The following RYR2 variants were observed in gnomAD, a reference collection of about 807,000 sequenced individuals.
RYR2 encodes the protein cardiac muscle ryanodine receptor-calcium release channel.
A neutral mutation model predicts 601.1 loss-of-function variants in RYR2; 227 were observed. The observed-to-expected ratio is 0.38, with a 90% confidence interval of 0.34 to 0.42. The LOEUF (loss-of-function observed/expected upper bound fraction) is 0.42. Among genes scored for constraint, RYR2 ranks in the 10% least tolerant of loss-of-function variants. The probability of loss-of-function intolerance (pLI) is 1.00; values close to 1 mark genes in which losing one functional copy is unlikely to be tolerated. For synonymous variants in RYR2, 2,223 were observed against 2,175.1 expected (o/e 1.02, Z -0.61); for missense variants, 4,646 against 6,156.5 (o/e 0.75, Z 8.21).
intron 1 of RYR2, among the ~76,000 whole-genome samples, chr1:237,259,507 G>A: frequency 6.8e-6 from 1 of 146,894 alleles, no homozygotes; most frequent in African/African-American, 2.5e-5. Context: ...CTCCAGCCTG[G>A]GCAACAGAGC....
chr1:237,496,488 A>C, intron 19 of RYR2, 23 bp from the exon 20 acceptor site: 1 of 1,607,264 alleles, frequency 6.2e-7, no homozygotes, highest in Non-Finnish European at 8.5e-7. Flanking sequence ...CTTTCCTTAC[A>C]TGTGATTCCC....
At chr1:237,375,104 GAAGT>G (rs977786230) in intron 7 of RYR2, among the ~76,000 whole-genome samples, 44 of 152,274 alleles carry the variant, frequency 2.9e-4, no homozygotes, top group African/African-American at 1.1e-3. Context: ...ATTAGTTTGT[GAAGT>G]AATTCTACAT....
intron 1 of RYR2, among the ~76,000 whole-genome samples, chr1:237,094,901 AAATATTATT>A (rs1667362610): frequency 6.6e-6 from 1 of 152,118 alleles, no homozygotes; most frequent in South Asian, 2.1e-4. Flanking sequence ...TTGTCTTCCT[AAATATTATT>A]AACAAACAAC....
At chr1:237,447,892 T>G (rs1246558095) in intron 14 of RYR2, among the ~76,000 whole-genome samples, 1 of 146,282 alleles carries the variant, frequency 6.8e-6, no homozygotes, top group Non-Finnish European at 1.5e-5. Context: ...CTTTTCTTTC[T>G]TTCTGTCTTT....
In RYR2 at chr1:237,648,553, C is replaced by T. The variant is rs1351855646; in HGVS notation, c.7452C>T (p.Leu2484=). Residue 2484 remains leucine (L), a synonymous_variant, in exon 49 of 105, where the codon CTC becomes CTT. Coordinates refer to ENST00000366574, the MANE Select transcript of RYR2 (RefSeq NM_001035.3). Reference sequence around the variant, plus strand: ...ATGGGATTGAGGTTCAAGACTTCCTCCTCCATCTTCTTGAGGTTGGCTTTC... The same window carrying T: ...ATGGGATTGAGGTTCAAGACTTCCTTCTCCATCTTCTTGAGGTTGGCTTTC... ...RVYGIEVQDF[L]LHLLEVGFLP... is the part of the protein sequence containing the mutation. The T allele has an allele frequency of 1.2e-6, 2 of 1,611,362 alleles. No individual in the cohort carries two copies. The highest frequency in any genetic ancestry group is 2.2e-5 in the East Asian group (1 of 44,864).
At chr1:237,764,562 C>T (rs1264958072) in intron 84 of RYR2, among the ~76,000 whole-genome samples, 1 of 151,948 alleles carries the variant, frequency 6.6e-6, no homozygotes, top group African/African-American at 2.4e-5. Flanking sequence ...GATTCTCCTG[C>T]CTCAGCCTCT....
intron 29 of RYR2, among the ~76,000 whole-genome samples, chr1:237,571,378 G>A (rs1269171912): frequency 1.3e-5 from 2 of 148,332 alleles, no homozygotes; most frequent in Non-Finnish European, 3.0e-5. Context: ...GCAATGGCGC[G>A]ATCTTGACTC....
At chr1:237,099,156 G>C (rs1558230132) in intron 1 of RYR2, among the ~76,000 whole-genome samples, 1 of 151,768 alleles carries the variant, frequency 6.6e-6, no homozygotes, top group Non-Finnish European at 1.5e-5. Context: ...TAACATTTAA[G>C]TTAATTCAGC....
At chr1:237,741,961 A>G (rs568436775) in intron 79 of RYR2, among the ~76,000 whole-genome samples, 3 of 152,302 alleles carry the variant, frequency 2.0e-5, no homozygotes, top group African/African-American at 7.2e-5. Flanking sequence ...GGCAGCATAA[A>G]AAAAAGAGAA....
intron 27 of RYR2, among the ~76,000 whole-genome samples, chr1:237,565,183 CTTT>C (rs1559035893): frequency 1.6e-5 from 1 of 64,208 alleles, no homozygotes; most frequent in East Asian, 9.4e-4. Flanking sequence ...TTCTTTCTTT[CTTT>C]CTTTCTTTCT....
intron 14 of RYR2, among the ~76,000 whole-genome samples, chr1:237,446,152 G>A (rs193230045): frequency 5.9e-5 from 9 of 152,202 alleles, no homozygotes; most frequent in African/African-American, 2.2e-4. Flanking sequence ...AGCCTATATA[G>A]CTGCGGAGTT....
chr1:237,295,669 A>G (rs1692691092), intron 2 of RYR2, among the ~76,000 whole-genome samples: 1 of 152,216 alleles, frequency 6.6e-6, no homozygotes, highest in Admixed American at 6.5e-5. Context: ...TACCGCTAGA[A>G]TCTCTATGAA....
intron 1 of RYR2, among the ~76,000 whole-genome samples, chr1:237,246,910 C>G (rs1489695039): frequency 6.6e-6 from 1 of 152,082 alleles, no homozygotes; most frequent in Non-Finnish European, 1.5e-5. Flanking sequence ...AAATAGAGAA[C>G]CTAAAACATT....
At chr1:237,345,395 G>A (rs1243280396) in intron 3 of RYR2, among the ~76,000 whole-genome samples, 1 of 151,458 alleles carries the variant, frequency 6.6e-6, no homozygotes, top group Non-Finnish European at 1.5e-5. Flanking sequence ...AGCCCAGGAG[G>A]TCAAGGCTGA....
intron 1 of RYR2, among the ~76,000 whole-genome samples, chr1:237,245,475 G>C (rs139052275): frequency 6.6e-6 from 1 of 152,114 alleles, no homozygotes; most frequent in African/African-American, 2.4e-5. Context: ...GGGTGAGAAC[G>C]CGTAGGGAAA....
At chr1:237,358,112 C>T (rs1699459051) in intron 4 of RYR2, among the ~76,000 whole-genome samples, 1 of 152,146 alleles carries the variant, frequency 6.6e-6, no homozygotes, top group Non-Finnish European at 1.5e-5. Context: ...TATTGAGACT[C>T]CTCTGTGGGG....
At chr1:237,261,266 G>A (rs1277859839) in intron 1 of RYR2, among the ~76,000 whole-genome samples, 4 of 152,090 alleles carry the variant, frequency 2.6e-5, no homozygotes, top group Admixed American at 2.6e-4. Flanking sequence ...CCCCCCTTGG[G>A]TAACTGCTTC....
At chr1:237,351,537 A>T (rs1054025414) in intron 3 of RYR2, among the ~76,000 whole-genome samples, 2 of 152,048 alleles carry the variant, frequency 1.3e-5, no homozygotes, top group Non-Finnish European at 2.9e-5. Flanking sequence ...CAATGAAAAG[A>T]TAATAAGAGA....
intron 2 of RYR2, among the ~76,000 whole-genome samples, chr1:237,326,017 TAG>T (rs1386710356): frequency 6.6e-6 from 1 of 152,222 alleles, no homozygotes; most frequent in African/African-American, 2.4e-5. Flanking sequence ...GTGGCTTATA[TAG>T]TCCTAAATTA....
Sources: gnomAD v4.1 joint callset for allele counts (sites outside exome capture counted in the v4.1 genomes callset) on GRCh38, gnomAD v4.1.1 for gene constraint, MANE v1.5 for transcripts, NCBI Gene and HGNC (gene_info 2026-07-23, HGNC 2026-07-21) for gene names.